TAX1BP1: variants seen among roughly 807,000 people sequenced by gnomAD.
The protein encoded by TAX1BP1 is tax1-binding protein 1.
Under a neutral mutation model 97.7 loss-of-function variants are expected in TAX1BP1, and 62 were observed. The ratio of observed to expected loss-of-function variants is 0.63; its 90% CI spans 0.52 to 0.78. TAX1BP1 has a LOEUF of 0.78. TAX1BP1 is among the 30% of genes least tolerant of loss of function. The pLI is 0.00. For synonymous variants in TAX1BP1, 340 were observed against 304.2 expected (o/e 1.12, Z -1.23); for missense variants, 867 against 916.1 (o/e 0.95, Z 0.69).
chr7:27,769,928 CAGGTACTGAGAAAAGT>C (rs1030158942), intron 5 of TAX1BP1, 94 bp downstream of exon 5: 2 of 1,257,052 alleles, frequency 1.6e-6, no homozygotes, highest in African/African-American at 3.0e-5. Flanking sequence ...AAGTGAAAAC[CAGGTACTGAGAAAAGT>C]AGCCTTTTAG....
chr7:27,785,265 G>C lies in TAX1BP1; in HGVS notation c.715G>C (p.Val239Leu), dbSNP rs778787998. The change falls in exon 6 of 17, where the codon GTG becomes CTG. Residue 239 changes from valine to leucine, a missense_variant. Val to Leu is a conservative substitution (Grantham distance 32). Coordinates refer to ENST00000396319, the MANE Select transcript of TAX1BP1 (RefSeq NM_006024.7). ...SKAHQLEEDIVSVTHKAIEKE... is the reference protein window; with the variant it reads ...SKAHQLEEDILSVTHKAIEKE... Reference sequence around the variant, plus strand: ...AGCCCATCAGCTTGAGGAAGATATTGTGTCAGTAACACATAAAGCAATTGA... The same window carrying C: ...AGCCCATCAGCTTGAGGAAGATATTCTGTCAGTAACACATAAAGCAATTGA... The C allele has an allele frequency of 6.2e-7, 1 of 1,613,388 alleles. No individual in the cohort carries two copies.
intron 15 of TAX1BP1, among the ~76,000 whole-genome samples, chr7:27,824,549 C>CA (rs34757943): frequency 0.42 from 38,257 of 91,488 alleles, 8,571 homozygotes; most frequent in Middle Eastern, 0.57. Context: ...GACCTTGTCT[C>CA]AAAAAAAAAA....
chr7:27,815,032 C>T lies in TAX1BP1; in HGVS notation c.1765-1317C>T, dbSNP rs372672815. On this transcript the variant is annotated intron_variant, in intron 13 of 16. Transcript: ENST00000396319. ...GATTACAGGCGTGAGCCACTGTGCC[C>T]GGCCATTTTCCTAGTTTTTATAGAT... Among the ~76,000 whole-genome samples the T allele has an allele frequency of 2.5e-3, 387 of 152,238 alleles. 2 individuals are homozygous for T. Among genetic ancestry groups the T allele is most frequent in the African/African-American group, 8.7e-3 (363 of 41,548 alleles).
intron 13 of TAX1BP1, among the ~76,000 whole-genome samples, chr7:27,809,003 G>A (rs760834789): frequency 9.2e-5 from 14 of 152,202 alleles, no homozygotes; most frequent in Admixed American, 2.0e-4. Context: ...AGAGCAAAAT[G>A]TGTAGAATCA....
At chr7:27,791,259 T>C (rs541898819) in intron 8 of TAX1BP1, among the ~76,000 whole-genome samples, 14 of 152,240 alleles carry the variant, frequency 9.2e-5, no homozygotes, top group African/African-American at 2.9e-4. Flanking sequence ...TGCATTTTTT[T>C]CCTGATTTTA....
intron 15 of TAX1BP1, among the ~76,000 whole-genome samples, chr7:27,824,963 T>A (rs912782825): frequency 3.3e-5 from 5 of 152,220 alleles, no homozygotes; most frequent in Admixed American, 2.6e-4. Flanking sequence ...AAATGTGCTG[T>A]TAAACCCTTT....
At chr7:27,794,973 T>G (rs1789866124) in intron 11 of TAX1BP1, among the ~76,000 whole-genome samples, 1 of 152,182 alleles carries the variant, frequency 6.6e-6, no homozygotes, top group Non-Finnish European at 1.5e-5. Flanking sequence ...GTTTATTAAC[T>G]TATAGAACAG....
At chr7:27,819,428 T>C (rs140177373) in intron 15 of TAX1BP1, among the ~76,000 whole-genome samples, 7 of 152,266 alleles carry the variant, frequency 4.6e-5, no homozygotes, top group Non-Finnish European at 8.8e-5. Context: ...CTGTTTCTCA[T>C]TGATTTTCAC....
intron 2 of TAX1BP1, 64 bp downstream of exon 2, chr7:27,748,750 G>A (rs1161412278): frequency 1.2e-5 from 16 of 1,287,644 alleles, no homozygotes; most frequent in Non-Finnish European, 1.5e-5. Flanking sequence ...AAAACAGATT[G>A]ATAAGTAGCT....
At chr7:27,747,640 T>A (rs1787875305) in intron 1 of TAX1BP1, among the ~76,000 whole-genome samples, 1 of 152,002 alleles carries the variant, frequency 6.6e-6, no homozygotes, top group Non-Finnish European at 1.5e-5. Flanking sequence ...GTTTGAGAGA[T>A]TTGAACAAGC....
At chr7:27,759,127 C>T (rs1788333783) in intron 3 of TAX1BP1, among the ~76,000 whole-genome samples, 1 of 151,934 alleles carries the variant, frequency 6.6e-6, no homozygotes, top group Admixed American at 6.6e-5. Context: ...TTCTTTTGGT[C>T]TGGTGAAGTT....
At chr7:27,779,627 T>G (rs774906438) in intron 5 of TAX1BP1, among the ~76,000 whole-genome samples, 9 of 152,214 alleles carry the variant, frequency 5.9e-5, no homozygotes, top group Non-Finnish European at 1.2e-4. Context: ...AGTTACTTGA[T>G]TTGAATACTA....
chr7:27,792,247 T>C lies in TAX1BP1; in HGVS notation c.1263+17T>C. ...AAAGATCAGGTAAAACAAGTTAATT[T>C]TGAATTTGCATTTTGATTTAAGAAA... On this transcript the variant is annotated intron_variant, in intron 9 of 16. Coordinates refer to ENST00000396319, the MANE Select transcript of TAX1BP1 (RefSeq NM_006024.7). 1 of 1,574,832 alleles carries C rather than the reference T, an allele frequency of 6.3e-7. No homozygotes were observed.
chr7:27,787,614 T>C lies in TAX1BP1; in HGVS notation c.1038+11T>C. ...ACAACCTCAAGTAAAGTAAGTACTT[T>C]TGCTATATATATTTGAAGATTGTAA... On this transcript the variant is annotated intron_variant, in intron 8 of 16. Transcript: ENST00000396319. 1 of 1,589,396 alleles carries C rather than the reference T, an allele frequency of 6.3e-7. No individual in the cohort carries two copies. Among genetic ancestry groups the C allele is most frequent in the South Asian group, 1.2e-5 (1 of 86,204 alleles).
chr7:27,766,419 C>CAAAAAAA (rs201297532), intron 4 of TAX1BP1, among the ~76,000 whole-genome samples: 3 of 76,886 alleles, frequency 3.9e-5, no homozygotes, highest in Non-Finnish European at 7.3e-5. Flanking sequence ...GACTCCGTAT[C>CAAAAAAA]AAAAAAAAAA....
chr7:27,822,503 A>G (rs1284727591), intron 15 of TAX1BP1, among the ~76,000 whole-genome samples: 1 of 152,132 alleles, frequency 6.6e-6, no homozygotes, highest in East Asian at 1.9e-4. Context: ...TCAGTAGTGT[A>G]TGAGGGTTCC....
chr7:27,820,577 T>C (rs1790938097), intron 15 of TAX1BP1, among the ~76,000 whole-genome samples: 1 of 152,202 alleles, frequency 6.6e-6, no homozygotes, highest in Non-Finnish European at 1.5e-5. Context: ...GTCAATTCAT[T>C]TTTATCAAGA....
chr7:27,764,965 A>G (rs1300094977), intron 3 of TAX1BP1, among the ~76,000 whole-genome samples: 1 of 12,632 alleles, frequency 7.9e-5, no homozygotes, highest in African/African-American at 3.3e-4. Flanking sequence ...TTAAAGCGCC[A>G]CAAGAATTTC....
At chr7:27,760,120 C>T (rs749693520) in intron 3 of TAX1BP1, among the ~76,000 whole-genome samples, 4 of 151,790 alleles carry the variant, frequency 2.6e-5, no homozygotes, top group Non-Finnish European at 5.9e-5. Context: ...TCCCAAAGTG[C>T]TGGGATTACA....
Sources: gnomAD v4.1 joint callset for allele counts (sites outside exome capture counted in the v4.1 genomes callset) on GRCh38, gnomAD v4.1.1 for gene constraint, MANE v1.5 for transcripts, NCBI Gene and HGNC (gene_info 2026-07-23, HGNC 2026-07-21) for gene names.